Variants in SCHIP1 observed in about 807,000 individuals in gnomAD.
SCHIP1 encodes the protein schwannomin interacting protein 1.
In SCHIP1, 8 loss-of-function variants were observed where a neutral mutation model predicts 29.7. The ratio of observed to expected loss-of-function variants is 0.27; its 90% CI spans 0.16 to 0.49. The LOEUF (loss-of-function observed/expected upper bound fraction) is 0.49. SCHIP1 is among the 20% of genes least tolerant of loss of function. The pLI is 0.99. For missense variants in SCHIP1, 193 were observed against 294.6 expected (o/e 0.66, Z 2.52); for synonymous variants, 76 against 94.9 (o/e 0.80, Z 1.16).
chr3:159,684,954 G>A, the SCHIP1 span, among the ~76,000 whole-genome samples: 4 of 151,910 alleles, frequency 2.6e-5, no homozygotes, highest in African/African-American at 9.7e-5. Context: ...GATGCAGCTG[G>A]ATCCTGCTTA....
the SCHIP1 span, among the ~76,000 whole-genome samples, chr3:159,281,659 G>A: frequency 6.6e-6 from 1 of 152,104 alleles, no homozygotes; most frequent in African/African-American, 2.4e-5. Context: ...TGAGGCTTCT[G>A]TATAAATGAA....
chr3:159,571,877 T>G, the SCHIP1 span, among the ~76,000 whole-genome samples: 28 of 152,350 alleles, frequency 1.8e-4, no homozygotes, highest in African/African-American at 6.5e-4. Context: ...GTCGAGGAAT[T>G]TATCCATTTC....
At chr3:159,596,785 A>T in the SCHIP1 span, among the ~76,000 whole-genome samples, 1 of 145,198 alleles carries the variant, frequency 6.9e-6, no homozygotes, top group African/African-American at 2.5e-5. Context: ...AACATCACAC[A>T]CTGGGGGTGT....
At chr3:159,331,377 A>G in the SCHIP1 span, among the ~76,000 whole-genome samples, 37,222 of 152,014 alleles carry the variant, frequency 0.24, 4,893 homozygotes, top group African/African-American at 0.33. Flanking sequence ...CCTCCCACAA[A>G]AAGGAGCAAA....
At chr3:159,675,218 T>C in the SCHIP1 span, among the ~76,000 whole-genome samples, 1 of 152,300 alleles carries the variant, frequency 6.6e-6, no homozygotes, top group Non-Finnish European at 1.5e-5. Context: ...GGCCTTTTAG[T>C]TTATAGGCAC....
At chr3:159,555,687 A>G in the SCHIP1 span, among the ~76,000 whole-genome samples, 1 of 152,202 alleles carries the variant, frequency 6.6e-6, no homozygotes, top group East Asian at 1.9e-4. Context: ...TTCACCAGAC[A>G]TTCATAACCA....
the SCHIP1 span, among the ~76,000 whole-genome samples, chr3:159,633,674 C>A: frequency 1.3e-5 from 2 of 152,084 alleles, no homozygotes; most frequent in Admixed American, 6.6e-5. Context: ...CTCAAGTGCA[C>A]AAGCAAGAAG....
the SCHIP1 span, among the ~76,000 whole-genome samples, chr3:159,462,616 C>T: frequency 2.6e-5 from 4 of 152,124 alleles, no homozygotes; most frequent in Non-Finnish European, 4.4e-5. Context: ...TAGCTCTGAT[C>T]ATGTTATTTC....
the SCHIP1 span, among the ~76,000 whole-genome samples, chr3:159,673,849 C>T: frequency 1.3e-5 from 2 of 152,176 alleles, no homozygotes; most frequent in Non-Finnish European, 2.9e-5. Context: ...AGTAGGTTTA[C>T]CAAATGCCAA....
intron 1 of SCHIP1, chr3:159,853,343 A>T (rs1238434167): frequency 1.5e-6 from 1 of 681,516 alleles, no homozygotes; most frequent in East Asian, 2.8e-5. Context: ...AATTCATGGG[A>T]GGTTATTTCT....
chr3:159,329,368 GA>G, the SCHIP1 span, among the ~76,000 whole-genome samples: 1 of 152,174 alleles, frequency 6.6e-6, no homozygotes, highest in Non-Finnish European at 1.5e-5. Context: ...GCAGAGAATT[GA>G]TGGAACCGGA....
the SCHIP1 span, among the ~76,000 whole-genome samples, chr3:159,591,633 C>A: frequency 6.6e-6 from 1 of 152,002 alleles, no homozygotes; most frequent in Non-Finnish European, 1.5e-5. Flanking sequence ...ATGGATGAAT[C>A]TGAAAGCCAT....
the SCHIP1 span, among the ~76,000 whole-genome samples, chr3:159,323,247 G>A: frequency 6.6e-6 from 1 of 152,238 alleles, no homozygotes; most frequent in East Asian, 1.9e-4. Flanking sequence ...TATTTAAATA[G>A]GTAATTATAC....
chr3:159,383,574 T>C, the SCHIP1 span, among the ~76,000 whole-genome samples: 55 of 149,202 alleles, frequency 3.7e-4, 1 homozygote, highest in South Asian at 7.3e-3. Flanking sequence ...TGGCTTAGGA[T>C]TGACTTGGCA....
the SCHIP1 span, among the ~76,000 whole-genome samples, chr3:159,384,948 G>A: frequency 0.014 from 2,132 of 152,178 alleles, 31 homozygotes; most frequent in Middle Eastern, 0.034. Flanking sequence ...CTGTGGGATC[G>A]GTGGTGATAT....
chr3:159,727,924 G>GT, the SCHIP1 span, among the ~76,000 whole-genome samples: 2,530 of 125,678 alleles, frequency 0.02, 69 homozygotes, highest in African/African-American at 0.064. Flanking sequence ...CTTTTTTGTT[G>GT]TTTTTTTTTT....
At chr3:159,506,128 CCT>C in the SCHIP1 span, among the ~76,000 whole-genome samples, 1 of 152,150 alleles carries the variant, frequency 6.6e-6, no homozygotes, top group Non-Finnish European at 1.5e-5. Flanking sequence ...CTCTCCAGCA[CCT>C]GTTGTTCCCT....
At chr3:159,764,756 G>C in the SCHIP1 span, 2 of 1,573,588 alleles carry the variant, frequency 1.3e-6, no homozygotes, top group African/African-American at 1.4e-5. This position sits in a 1 kb window ranked among gnomAD's most constrained non-coding sequence, Gnocchi z 6.1. Flanking sequence ...GGGGACGTAA[G>C]CGCCAGGACC....
chr3:159,512,630 G>A, the SCHIP1 span, among the ~76,000 whole-genome samples: 1 of 152,144 alleles, frequency 6.6e-6, no homozygotes, highest in East Asian at 1.9e-4. Flanking sequence ...TTTTGATACA[G>A]ACATACAAGG....
Sources: gnomAD v4.1 joint callset for allele counts (sites outside exome capture counted in the v4.1 genomes callset) on GRCh38, gnomAD v4.1.1 for gene constraint, Gnocchi (gnomAD v3.1) non-coding constraint, MANE v1.5 for transcripts, NCBI Gene and HGNC (gene_info 2026-07-23, HGNC 2026-07-21) for gene names.